The following NOTCH2NLR variants were observed in gnomAD, a reference collection of about 807,000 sequenced individuals.
The protein encoded by NOTCH2NLR is notch 2 N-terminal like R.
In NOTCH2NLR, 33 loss-of-function variants were observed where a neutral mutation model predicts 35.6. The ratio of observed to expected loss-of-function variants is 0.93; its 90% CI spans 0.70 to 1.24. The LOEUF is 1.24. NOTCH2NLR is among the 50% of genes most tolerant of loss of function. The probability of loss-of-function intolerance (pLI) is 0.00; values close to 1 mark genes in which losing one functional copy is unlikely to be tolerated. For missense variants in NOTCH2NLR, 276 were observed against 362.2 expected (o/e 0.76, Z 1.93); for synonymous variants, 103 against 141.0 (o/e 0.73, Z 1.91).
downstream of NOTCH2NLR, among the ~76,000 whole-genome samples, chr1:120,794,135 A>G (rs1651528127): frequency 8.9e-6 from 1 of 112,972 alleles, no homozygotes; most frequent in Non-Finnish European, 1.7e-5. Flanking sequence ...GATAGATGAT[A>G]TATGAGAGAC....
Position 120,742,299 on chromosome 1 carries a change from CTG to C in NOTCH2NLR, c.73+18060_73+18061del, listed in dbSNP as rs1470934073. ...TGAATTAAGTATCTCTGATTTAACT[CTG>C]TGTGTGTGTGCGTGTGTGTGTGTGT... On this transcript the variant is annotated intron_variant, in intron 1 of 4. Coordinates refer to ENST00000624419, the Ensembl canonical transcript of NOTCH2NLR. 6.9e-5 allele frequency among the ~76,000 whole-genome samples: 2 copies of C among 29,058 alleles called. 1 individual carries two copies. The highest frequency in any genetic ancestry group is 6.5e-4 in the Admixed American group (2 of 3,064). The allele number at this position is 29,058 out of a possible 152,430, so 19.1% of individuals were successfully genotyped here.
Position 120,781,863 on chromosome 1 carries a change from G to C in NOTCH2NLR, c.156-3111G>C, listed in dbSNP as rs1330265266. Among the ~76,000 whole-genome samples the C allele has an allele frequency of 4.3e-5, 5 of 116,796 alleles. 1 individual carries two copies. Among genetic ancestry groups the C allele is most frequent in the African/African-American group, 2.4e-4 (5 of 20,502 alleles). The allele number at this position is 116,796 out of a possible 152,430, so 76.6% of individuals were successfully genotyped here. On this transcript the variant is annotated intron_variant, in intron 2 of 4. Coordinates refer to ENST00000624419, the Ensembl canonical transcript of NOTCH2NLR. ...GTGAGCCACCGCACCTGGCTTAGCT[G>C]TAAAATCTTAATCTTTCTAAGCTTC...
chr1:120,748,113 C>CTT (rs1186945714), intron 1 of NOTCH2NLR, among the ~76,000 whole-genome samples: 544 of 29,632 alleles, frequency 0.018, 18 homozygotes, highest in African/African-American at 0.064. Flanking sequence ...GTAAAGGCTC[C>CTT]TTTTTTTTTT....
chr1:120,788,772 A>G, intron 3 of NOTCH2NLR, among the ~76,000 whole-genome samples: 1 of 90,260 alleles, frequency 1.1e-5, no homozygotes, highest in East Asian at 2.5e-4. Flanking sequence ...GTCAGAGGCA[A>G]TGCTGTGTGG....
At chr1:120,730,937 C>T (rs1249185617) in intron 1 of NOTCH2NLR, among the ~76,000 whole-genome samples, 1 of 21,596 alleles carries the variant, frequency 4.6e-5, no homozygotes, top group Non-Finnish European at 7.9e-5. Context: ...GTGTGGGAAT[C>T]ATTGACCAAG....
rs1178323879 is a variant in NOTCH2NLR at position 120,752,737 on chromosome 1, A to AT, written c.74-10881dup. On this transcript the variant is annotated intron_variant, in intron 1 of 4. Coordinates refer to ENST00000624419, the Ensembl canonical transcript of NOTCH2NLR. ...AGGCACCCGCCACCATGCCCAGCTA[A>AT]TTTTTTTTTTGTACTTTTAGTAGAG... Among the ~76,000 whole-genome samples, 39 of 48,268 alleles carry AT rather than the reference A, an allele frequency of 8.1e-4. 2 individuals carry two copies. Among genetic ancestry groups the AT allele is most frequent in the African/African-American group, 2.5e-3 (12 of 4,868 alleles). 31.7% of individuals were successfully genotyped at this position (48,268 alleles called of 152,430 possible).
chr1:120,724,289 G>A, intron 1 of NOTCH2NLR, 39 bp downstream of exon 1: 1 of 1,372,836 alleles, frequency 7.3e-7, no homozygotes. Flanking sequence ...GCGGCGCCCG[G>A]GGCTGCCACC....
At chr1:120,794,457 G>C (rs1185277917), downstream of NOTCH2NLR, among the ~76,000 whole-genome samples, 1 of 115,650 alleles carries the variant, frequency 8.6e-6, no homozygotes, top group Non-Finnish European at 1.6e-5. Context: ...GAAAACTGTA[G>C]GAGGGAGTAA....
In NOTCH2NLR at chr1:120,761,174, T is replaced by G. The variant is rs1385116356; in HGVS notation, c.74-2454T>G. Among the ~76,000 whole-genome samples the G allele has an allele frequency of 8.3e-4, 105 of 126,440 alleles. 17 individuals are homozygous for G. The highest frequency in any genetic ancestry group is 1.6e-5 in the Non-Finnish European group (1 of 61,418). 82.9% of individuals were successfully genotyped at this position (126,440 alleles called of 152,430 possible). On this transcript the variant is annotated intron_variant, in intron 1 of 4. Coordinates refer to ENST00000624419, the Ensembl canonical transcript of NOTCH2NLR. ...TGCTACATATTGACTTTGGGTTGCT[T>G]GTATTTCTCTGAACCTGTCACTGTA...
rs1387076892 is a variant in NOTCH2NLR, at chr1:120,728,007, G to A, written c.73+3757G>A. Among the ~76,000 whole-genome samples, 2 of 119,048 alleles carry A rather than the reference G, an allele frequency of 1.7e-5. 1 individual carries two copies. Among genetic ancestry groups the A allele is most frequent in the Non-Finnish European group, 3.3e-5 (2 of 61,270 alleles). The allele number at this position is 119,048 out of a possible 152,430, so 78.1% of individuals were successfully genotyped here. ...GGTCCTCCATTTTCTGATGTTCATT[G>A]TTCATGGTCACAGAGCCAATTAGAG... On this transcript the variant is annotated intron_variant, in intron 1 of 4. Coordinates refer to ENST00000624419, the Ensembl canonical transcript of NOTCH2NLR.
intron 3 of NOTCH2NLR, among the ~76,000 whole-genome samples, chr1:120,792,566 A>G (rs1254349228): frequency 3.6e-5 from 4 of 110,886 alleles, no homozygotes; most frequent in Non-Finnish European, 5.2e-5. Flanking sequence ...CAGTGGTACA[A>G]TCTCGGCTCA....
At chr1:120,770,100 G>A (rs1651245401) in intron 2 of NOTCH2NLR, among the ~76,000 whole-genome samples, 2 of 108,954 alleles carry the variant, frequency 1.8e-5, no homozygotes, top group East Asian at 4.3e-4. Flanking sequence ...GTATGGTTCA[G>A]CCTGCACTGG....
rs1651460018 is a variant in NOTCH2NLR at position 120,789,523 on chromosome 1, G to T, written c.416-3638G>T. Among the ~76,000 whole-genome samples the T allele has an allele frequency of 6.3e-5, 7 of 111,838 alleles. 1 individual carries two copies. The South Asian group carries it at 1.9e-3, about 30-fold the overall frequency. 73.4% of individuals were successfully genotyped at this position (111,838 alleles called of 152,430 possible). A position where few individuals can be genotyped will look rare whatever the true frequency, so the allele number is the denominator to read the frequency against. ...AGCAGAACCCCTGAGGAACCCATCAGATCTCATGAGACTTATTCACTATCA... is the reference window on the plus strand; with the variant it reads ...AGCAGAACCCCTGAGGAACCCATCATATCTCATGAGACTTATTCACTATCA... On this transcript the variant is annotated intron_variant, in intron 3 of 4. Coordinates refer to ENST00000624419, the Ensembl canonical transcript of NOTCH2NLR.
intron 2 of NOTCH2NLR, among the ~76,000 whole-genome samples, chr1:120,769,736 ATT>A (rs1391102148): frequency 8.7e-6 from 1 of 114,298 alleles, no homozygotes; most frequent in African/African-American, 5.0e-5. Flanking sequence ...GTTAATCAAT[ATT>A]GTTATCATAT....
chr1:120,787,863 GCA>G (rs1651438298), intron 3 of NOTCH2NLR, among the ~76,000 whole-genome samples: 1 of 88,070 alleles, frequency 1.1e-5, no homozygotes, highest in South Asian at 3.4e-4. Flanking sequence ...GTGTGTGCAA[GCA>G]CAGACATGTT....
chr1:120,777,607 T>C, intron 2 of NOTCH2NLR, among the ~76,000 whole-genome samples: 1 of 82,164 alleles, frequency 1.2e-5, no homozygotes, highest in Non-Finnish European at 2.1e-5. Flanking sequence ...TTTAAAGTTC[T>C]TTTTGTTTTT....
chr1:120,724,454 G>T (rs1281371419), intron 1 of NOTCH2NLR, among the ~76,000 whole-genome samples: 1 of 121,148 alleles, frequency 8.3e-6, no homozygotes, highest in Non-Finnish European at 1.6e-5. Flanking sequence ...GTTCCCCGCC[G>T]CCTCTGCTCC....
chr1:120,767,957 G>A (rs1231633017), intron 2 of NOTCH2NLR, among the ~76,000 whole-genome samples: 2 of 117,422 alleles, frequency 1.7e-5, no homozygotes, highest in Non-Finnish European at 3.3e-5. Flanking sequence ...TCTATCAACT[G>A]CTCCTTCTTT....
intron 1 of NOTCH2NLR, among the ~76,000 whole-genome samples, chr1:120,760,277 C>T (rs1651122140): frequency 1.3e-5 from 1 of 77,894 alleles, no homozygotes; most frequent in East Asian, 2.7e-4. Flanking sequence ...AACCTCCGCC[C>T]CCCAGGTTCA....
Sources: gnomAD v4.1 joint callset for allele counts (sites outside exome capture counted in the v4.1 genomes callset) on GRCh38, gnomAD v4.1.1 for gene constraint, MANE v1.5 for transcripts, NCBI Gene and HGNC (gene_info 2026-07-23, HGNC 2026-07-21) for gene names.